Variants in MAST4 observed in about 807,000 individuals in gnomAD.
MAST4 encodes microtubule-associated serine/threonine-protein kinase 4.
Under a neutral mutation model 162.7 loss-of-function variants are expected in MAST4, and 89 were observed. That is an observed-to-expected ratio of 0.55 (90% CI 0.46 to 0.65). The LOEUF is 0.65. Among genes scored for constraint, MAST4 ranks in the 30% least tolerant of loss-of-function variants. The pLI, the probability that MAST4 is intolerant of heterozygous loss-of-function variation, is 0.00. For synonymous variants in MAST4, 1,479 were observed against 1,361.1 expected, an observed-to-expected ratio of 1.09 and a Z score of -1.91; for missense variants, 3,153 against 3,374.0, an observed-to-expected ratio of 0.93 and a Z score of 1.62.
chr5:66,770,475 C>G (rs1172060001), intron 2 of MAST4, among the ~76,000 whole-genome samples: 2 of 152,142 alleles, frequency 1.3e-5, no homozygotes. Context: ...GAGTCATTGC[C>G]CCTCTAACAG....
At chr5:66,746,920 GC>G (rs972123372) in intron 1 of MAST4, among the ~76,000 whole-genome samples, 68 of 152,112 alleles carry the variant, frequency 4.5e-4, no homozygotes, top group African/African-American at 1.6e-3. Context: ...CACAAAGTGT[GC>G]CATGTTTTAA....
At chr5:66,823,397 C>G (rs1015597497) in intron 3 of MAST4, among the ~76,000 whole-genome samples, 1 of 152,160 alleles carries the variant, frequency 6.6e-6, no homozygotes, top group Admixed American at 6.5e-5. Flanking sequence ...TGGTTCTTCA[C>G]TTATGTGGTG....
chr5:66,695,371 T>A (rs943552482), intron 1 of MAST4, among the ~76,000 whole-genome samples: 2 of 152,230 alleles, frequency 1.3e-5, no homozygotes, highest in Non-Finnish European at 2.9e-5. Context: ...TCCATTGGTC[T>A]ATGTGTCTGT....
rs1348822575 is a variant in MAST4 at position 66,899,936 on chromosome 5, T to C, written c.643-15T>C. 7.3e-6 allele frequency: 11 copies of C among 1,511,286 alleles called. No homozygotes were observed. The highest frequency in any genetic ancestry group is 9.7e-6 in the Non-Finnish European group (11 of 1,132,128). 93.6% of individuals were successfully genotyped at this position (1,511,286 alleles called of 1,614,324 possible). On this transcript the variant is annotated splice_polypyrimidine_tract_variant and intron_variant, in intron 3 of 28. Transcript: ENST00000403625. ...ATGCAGCATTGCTTATATATGGTTT[T>C]TTTTTCTTTTGCAGAAGGAGCTGAG...
chr5:67,099,439 C>G (rs1000468692), intron 7 of MAST4, among the ~76,000 whole-genome samples: 5 of 151,840 alleles, frequency 3.3e-5, no homozygotes, highest in Non-Finnish European at 7.4e-5. Context: ...GCATTAATTT[C>G]TAGTTTTGCT....
intron 1 of MAST4, among the ~76,000 whole-genome samples, chr5:66,751,293 G>A (rs1044213063): frequency 2.0e-5 from 3 of 152,348 alleles, no homozygotes; most frequent in Non-Finnish European, 2.9e-5. Context: ...AAAGCTGGAT[G>A]GAGAATGACT....
rs1241290903 is a variant in MAST4 at position 67,149,296 on chromosome 5, C to T, written c.3095-93C>T. On this transcript the variant is annotated intron_variant, in intron 23 of 28. Transcript: ENST00000403625. The stretch of plus-strand genomic sequence containing the variant: ...GGCCACATAGGAGTATGTTCTCTGG[C>T]GTTTACTCTTCCTGCTGTCTCTCTC... 32 of 1,105,558 alleles carry T rather than the reference C, an allele frequency of 2.9e-5. 1 individual carries two copies. The highest frequency in any genetic ancestry group is 4.0e-5 in the Non-Finnish European group (30 of 747,010). 68.5% of individuals were successfully genotyped at this position (1,105,558 alleles called of 1,614,324 possible). A position where few individuals can be genotyped will look rare whatever the true frequency, so the allele number is the denominator to read the frequency against.
At chr5:66,657,072 C>T (rs1231478771) in intron 1 of MAST4, among the ~76,000 whole-genome samples, 2 of 152,166 alleles carry the variant, frequency 1.3e-5, no homozygotes, top group Non-Finnish European at 2.9e-5. Flanking sequence ...TGAGAAGATT[C>T]AGTAAAGGTA....
chr5:66,650,461 A>G (rs1010164152), intron 1 of MAST4, among the ~76,000 whole-genome samples: 1 of 152,188 alleles, frequency 6.6e-6, no homozygotes, highest in Non-Finnish European at 1.5e-5. Flanking sequence ...AGAACAGCAC[A>G]GTAGCATATC....
In MAST4 at chr5:67,166,288, A is replaced by G; in HGVS notation, c.7109A>G (p.Glu2370Gly). 6.4e-7 allele frequency: 1 copy of G among 1,561,982 alleles called. No individual in the cohort carries two copies. The highest frequency in any genetic ancestry group is 8.7e-7 in the Non-Finnish European group (1 of 1,152,804). The change falls in exon 29 of 29, where the codon GAA (glutamate) becomes GGA (glycine). Residue 2370 changes from glutamate to glycine, a missense_variant. Glu to Gly is a moderately conservative substitution (Grantham distance 98). Coordinates refer to ENST00000403625, the MANE Select transcript of MAST4 (RefSeq NM_001164664.2). ...QPAANTDRRA[E>G]GKKCTEALYA... ...GCCGCCAACACCGACAGAAGGGCGG[A>G]AGGGAAGAAATGCACTGAAGCACTT...
Position 66,917,239 on chromosome 5 carries a change from TTC to T in MAST4, c.674+17261_674+17262del, listed in dbSNP as rs1764173896. On this transcript the variant is annotated intron_variant, in intron 4 of 28. Transcript: ENST00000403625. ...TCATATGTTTACTCTTCATTTACAT[TTC>T]TCTTTTCTTCACTTCATGCTTATTT... The T allele has an allele frequency of 1.9e-5, 9 of 474,624 alleles. No individual in the cohort carries two copies. The Middle Eastern group carries it at 3.0e-3, about 161-fold the overall frequency. 29.4% of individuals were successfully genotyped at this position (474,624 alleles called of 1,614,324 possible).
intron 4 of MAST4, among the ~76,000 whole-genome samples, chr5:66,980,803 A>C (rs1228604907): frequency 6.6e-6 from 1 of 152,194 alleles, no homozygotes; most frequent in Non-Finnish European, 1.5e-5. Flanking sequence ...ATTTCCAAGG[A>C]ATCTTCAGTT....
At chr5:66,867,608 T>C (rs1420108630) in intron 3 of MAST4, among the ~76,000 whole-genome samples, 1 of 152,256 alleles carries the variant, frequency 6.6e-6, no homozygotes, top group Non-Finnish European at 1.5e-5. Context: ...TCTAAGAGTT[T>C]ATTTACATAA....
At chr5:67,034,181 C>T (rs1302739154) in intron 4 of MAST4, among the ~76,000 whole-genome samples, 1 of 152,106 alleles carries the variant, frequency 6.6e-6, no homozygotes, top group Admixed American at 6.6e-5. Flanking sequence ...CGTAATTGTT[C>T]CTTAGAGCTT....
chr5:66,778,044 A>G (rs1241500899), intron 2 of MAST4, among the ~76,000 whole-genome samples: 2 of 152,132 alleles, frequency 1.3e-5, no homozygotes, highest in Admixed American at 6.5e-5. Context: ...GCAGATGTTA[A>G]CACTGACCTC....
intron 12 of MAST4, 124 bp downstream of exon 12, chr5:67,114,343 T>G: frequency 8.5e-7 from 1 of 1,177,216 alleles, no homozygotes; most frequent in Non-Finnish European, 1.2e-6. Context: ...AAGTCCATAT[T>G]TGGGGACTGG....
At chr5:66,907,616 G>GTC (rs1554066842) in intron 4 of MAST4, among the ~76,000 whole-genome samples, 130 of 151,174 alleles carry the variant, frequency 8.6e-4, no homozygotes, top group African/African-American at 2.8e-3. Flanking sequence ...GTGTGTGTGT[G>GTC]TGTGTGTGTG....
At chr5:67,061,613 G>T (rs1196572886) in intron 5 of MAST4, among the ~76,000 whole-genome samples, 1 of 150,926 alleles carries the variant, frequency 6.6e-6, no homozygotes. Flanking sequence ...TTTCTTCCAA[G>T]TTTGTTGTTA....
intron 4 of MAST4, among the ~76,000 whole-genome samples, chr5:66,965,224 GC>G (rs1561485937): frequency 2.1e-4 from 15 of 72,406 alleles, no homozygotes; most frequent in South Asian, 4.8e-4. Context: ...TTTTTTTTTT[GC>G]TTTTTTTTTT....
Sources: allele counts gnomAD v4.1 joint callset (sites outside exome capture counted in the v4.1 genomes callset), GRCh38; gene constraint gnomAD v4.1.1; transcripts MANE v1.5; gene names NCBI Gene and HGNC (gene_info 2026-07-23, HGNC 2026-07-21).